Variants in FOXN3 observed in about 807,000 individuals in gnomAD.
FOXN3 encodes forkhead box protein N3.
Under a neutral mutation model 38.4 loss-of-function variants are expected in FOXN3, and 7 were observed. The ratio of observed to expected loss-of-function variants is 0.18; its 90% CI spans 0.10 to 0.34. The LOEUF is 0.34. Among genes scored for constraint, FOXN3 ranks in the 10% least tolerant of loss-of-function variants. The pLI is 1.00. For missense variants in FOXN3, 456 were observed against 613.4 expected (o/e 0.74, Z 2.71); for synonymous variants, 230 against 242.2 (o/e 0.95, Z 0.47).
At chr14:89,194,282 C>G (rs933641313) in intron 4 of FOXN3, among the ~76,000 whole-genome samples, 2 of 152,144 alleles carry the variant, frequency 1.3e-5, no homozygotes, top group African/African-American at 4.8e-5. Flanking sequence ...CAAGTGTCAT[C>G]TTTTATGTTT....
intron 3 of FOXN3, among the ~76,000 whole-genome samples, chr14:89,299,021 GT>G (rs199878529): frequency 0.017 from 2,525 of 152,290 alleles, 15 homozygotes; most frequent in Non-Finnish European, 0.027. Flanking sequence ...TGTCCTGCCA[GT>G]TCTCCAGCTG....
At position 89,241,244 on chromosome 14, in the gene FOXN3, T is replaced by C. The variant is rs1049587987; in HGVS notation, c.745+39706A>G. Among the ~76,000 whole-genome samples, 4 of 152,250 alleles carry C rather than the reference T, an allele frequency of 2.6e-5. No homozygotes were observed. The South Asian group carries it at 6.2e-4, about 24-fold the overall frequency. On this transcript the variant is annotated intron_variant, in intron 4 of 5. Transcript: ENST00000557258. ...TTTAGATTTCTGTATAGATAGCTCATGCCAAGCTTAAGTTCACACGAATGT... is the reference window on the plus strand; with the variant it reads ...TTTAGATTTCTGTATAGATAGCTCACGCCAAGCTTAAGTTCACACGAATGT...
chr14:89,240,497 T>C (rs1318284546), intron 4 of FOXN3, among the ~76,000 whole-genome samples: 1 of 152,194 alleles, frequency 6.6e-6, no homozygotes, highest in East Asian at 1.9e-4. Flanking sequence ...GGTACAACCA[T>C]ACAGTGAAAT....
At chr14:89,170,708 T>C (rs1307400935) in intron 5 of FOXN3, among the ~76,000 whole-genome samples, 2 of 152,138 alleles carry the variant, frequency 1.3e-5, no homozygotes, top group Non-Finnish European at 2.9e-5. Context: ...GAGAGATAAC[T>C]GAAAACAAAA....
At chr14:89,460,841 C>T (rs558799185) in intron 1 of FOXN3, among the ~76,000 whole-genome samples, 1 of 150,726 alleles carries the variant, frequency 6.6e-6, no homozygotes, top group South Asian at 2.1e-4. Flanking sequence ...ACCAGCCTGA[C>T]CAACATGGAG....
intron 1 of FOXN3, among the ~76,000 whole-genome samples, chr14:89,449,157 T>C (rs545133905): frequency 6.6e-6 from 1 of 152,308 alleles, no homozygotes; most frequent in Admixed American, 6.5e-5. Context: ...CTAAATTCAA[T>C]GTATTCCTTT....
chr14:89,234,276 TA>T (rs1444178752), intron 4 of FOXN3, among the ~76,000 whole-genome samples: 1 of 152,230 alleles, frequency 6.6e-6, no homozygotes, highest in Non-Finnish European at 1.5e-5. Flanking sequence ...TTCTGGAGGC[TA>T]GAAGTCCAAA....
At chr14:89,194,605 GTCTC>G (rs1204177164) in intron 4 of FOXN3, among the ~76,000 whole-genome samples, 1 of 151,728 alleles carries the variant, frequency 6.6e-6, no homozygotes, top group African/African-American at 2.4e-5. Context: ...ACAGCCTCCT[GTCTC>G]TCCTCTCCAA....
At chr14:89,428,503 C>T (rs1301023078) in intron 1 of FOXN3, among the ~76,000 whole-genome samples, 3 of 152,220 alleles carry the variant, frequency 2.0e-5, no homozygotes, top group East Asian at 1.9e-4. Context: ...GTATGTTCAA[C>T]AGCACCTCAC....
chr14:89,194,823 G>T (rs961017010), intron 4 of FOXN3, among the ~76,000 whole-genome samples: 1 of 151,452 alleles, frequency 6.6e-6, no homozygotes, highest in African/African-American at 2.4e-5. Context: ...AATTATGTAT[G>T]TGAAAATAAG....
At chr14:89,545,293 T>C (rs1294562554) in intron 1 of FOXN3, among the ~76,000 whole-genome samples, 2 of 152,242 alleles carry the variant, frequency 1.3e-5, no homozygotes, top group Non-Finnish European at 2.9e-5. Context: ...TTTGCAACCC[T>C]GAACCTGGGA....
At chr14:89,330,461 G>A (rs1228422578) in intron 3 of FOXN3, among the ~76,000 whole-genome samples, 1 of 152,260 alleles carries the variant, frequency 6.6e-6, no homozygotes, top group African/African-American at 2.4e-5. Flanking sequence ...TGAAGCAAGA[G>A]TACAGAATGG....
chr14:89,429,865 T>C (rs912789753), intron 1 of FOXN3, among the ~76,000 whole-genome samples: 1 of 152,208 alleles, frequency 6.6e-6, no homozygotes, highest in African/African-American at 2.4e-5. Flanking sequence ...AAAGTAAACT[T>C]TAAACACAGA....
intron 1 of FOXN3, among the ~76,000 whole-genome samples, chr14:89,463,860 C>G (rs1416936391): frequency 6.6e-6 from 1 of 150,810 alleles, no homozygotes; most frequent in Non-Finnish European, 1.5e-5. Context: ...TCTCAGCTCA[C>G]TGCAACCTCT....
chr14:89,557,724 A>AGG (rs1257113550), intron 1 of FOXN3, among the ~76,000 whole-genome samples: 2 of 152,096 alleles, frequency 1.3e-5, no homozygotes, highest in African/African-American at 4.8e-5. Context: ...GAGGTACCAA[A>AGG]GGGGGGCACG....
intron 1 of FOXN3, among the ~76,000 whole-genome samples, chr14:89,571,533 C>T (rs913471136): frequency 3.3e-5 from 5 of 150,384 alleles, no homozygotes; most frequent in Non-Finnish European, 7.4e-5. Flanking sequence ...AGAAAAGTGA[C>T]AGACTGAGAA....
intron 2 of FOXN3, among the ~76,000 whole-genome samples, chr14:89,363,947 A>AATATATATATATATATATAT (rs67802765): frequency 7.8e-4 from 87 of 111,310 alleles, no homozygotes; most frequent in African/African-American, 1.2e-3. Context: ...CTGTCTGTAA[A>AATATATATATATATATATAT]ATATATATAT....
intron 1 of FOXN3, among the ~76,000 whole-genome samples, chr14:89,413,066 T>C (rs1891583877): frequency 6.6e-6 from 1 of 151,772 alleles, no homozygotes; most frequent in Admixed American, 6.6e-5. Context: ...CCCACCACCA[T>C]CCCCATTTTT....
At chr14:89,397,094 C>T (rs1336953326) in intron 2 of FOXN3, among the ~76,000 whole-genome samples, 1 of 152,098 alleles carries the variant, frequency 6.6e-6, no homozygotes, top group Non-Finnish European at 1.5e-5. Flanking sequence ...CCATGGAATA[C>T]TATGCAGCCA....
Sources: gnomAD v4.1 joint callset for allele counts (sites outside exome capture counted in the v4.1 genomes callset) on GRCh38, gnomAD v4.1.1 for gene constraint, MANE v1.5 for transcripts, NCBI Gene and HGNC (gene_info 2026-07-23, HGNC 2026-07-21) for gene names.